Variants in SMIM14 observed in about 807,000 individuals in gnomAD.
SMIM14 encodes the protein chromosome 4 open reading frame 34.
In SMIM14, 5 loss-of-function variants were observed where a neutral mutation model predicts 12.6. The observed-to-expected ratio is 0.40, with a 90% CI of 0.21 to 0.83. The LOEUF is 0.83. Ranked by LOEUF, SMIM14 falls within the 40% of genes least tolerant of loss-of-function variation. The pLI is 0.37. For synonymous variants in SMIM14, 30 were observed against 40.1 expected, an observed-to-expected ratio of 0.75 and a Z score of 0.95; for missense variants, 86 against 119.1, an observed-to-expected ratio of 0.72 and a Z score of 1.29.
chr4:39,570,658 AT>A (rs113110089), intron 3 of SMIM14, among the ~76,000 whole-genome samples: 18,520 of 151,610 alleles, frequency 0.12, 2,590 homozygotes, highest in African/African-American at 0.34. Flanking sequence ...TTATTATTTA[AT>A]TAATAATTTT....
Position 39,556,736 on chromosome 4 carries a change from A to T in SMIM14, c.125-166T>A, listed in dbSNP as rs545209889. On this transcript the variant is annotated intron_variant, in intron 3 of 4. Coordinates refer to ENST00000295958, the MANE Select transcript of SMIM14 (RefSeq NM_174921.3). ...AATTTCCCTTTCCCCCAGTGAGAAC[A>T]TCTAAAAAGTAAATGATGTTAAATA... Among the ~76,000 whole-genome samples, 15 of 152,380 alleles carry T rather than the reference A, an allele frequency of 9.8e-5. No individual in the cohort carries two copies. In the South Asian group the frequency reaches 2.9e-3, roughly 29 times the overall value.
chr4:39,572,788 C>T (rs1712968291), intron 2 of SMIM14, among the ~76,000 whole-genome samples: 1 of 152,050 alleles, frequency 6.6e-6, no homozygotes, highest in East Asian at 1.9e-4. Flanking sequence ...CACCATTGTA[C>T]TCCAGCCAGG....
chr4:39,631,369 T>C (rs537002002), intron 1 of SMIM14, among the ~76,000 whole-genome samples: 16 of 146,742 alleles, frequency 1.1e-4, no homozygotes, highest in Non-Finnish European at 2.1e-4. Context: ...TTTTAAAAAC[T>C]ATGTTGTGGC....
intron 1 of SMIM14, among the ~76,000 whole-genome samples, chr4:39,614,200 A>G (rs1164393926): frequency 6.6e-6 from 1 of 151,910 alleles, no homozygotes; most frequent in South Asian, 2.1e-4. Context: ...AAAAAAAAAA[A>G]AAAGAAAATT....
At chr4:39,600,041 G>C (rs1714541231) in intron 2 of SMIM14, among the ~76,000 whole-genome samples, 1 of 151,906 alleles carries the variant, frequency 6.6e-6, no homozygotes, top group Non-Finnish European at 1.5e-5. Flanking sequence ...TTACACACAT[G>C]TCAAATTTAA....
intron 3 of SMIM14, 138 bp from the exon 4 acceptor site, chr4:39,556,708 T>A (rs1189001861): frequency 1.2e-6 from 1 of 806,068 alleles, no homozygotes; most frequent in East Asian, 3.0e-5. Flanking sequence ...ATATTATATC[T>A]TCAATTTCCC....
At chr4:39,573,099 ATT>A (rs1291943150) in intron 2 of SMIM14, among the ~76,000 whole-genome samples, 1 of 144,678 alleles carries the variant, frequency 6.9e-6, no homozygotes, top group Admixed American at 6.8e-5. Context: ...TATTATTATT[ATT>A]TTATTATTAT....
chr4:39,584,481 CAAA>C (rs554273493), intron 2 of SMIM14, among the ~76,000 whole-genome samples: 20 of 27,654 alleles, frequency 7.2e-4, no homozygotes, highest in East Asian at 1.1e-3. Flanking sequence ...GACACTGTCT[CAAA>C]AAAAAAAAAA....
chr4:39,629,697 C>T (rs184451185), intron 1 of SMIM14, among the ~76,000 whole-genome samples: 2 of 152,176 alleles, frequency 1.3e-5, no homozygotes, highest in East Asian at 3.9e-4. Context: ...GATCACAGCT[C>T]CCTGCAGCCT....
At chr4:39,568,495 A>G (rs1227732555) in intron 3 of SMIM14, among the ~76,000 whole-genome samples, 1 of 152,138 alleles carries the variant, frequency 6.6e-6, no homozygotes, top group African/African-American at 2.4e-5. Context: ...GAATATATAC[A>G]AAATACAACT....
At chr4:39,582,398 C>T (rs1020204199) in intron 2 of SMIM14, among the ~76,000 whole-genome samples, 22 of 151,020 alleles carry the variant, frequency 1.5e-4, no homozygotes, top group African/African-American at 5.4e-4. Flanking sequence ...GGCACGGTGG[C>T]TTATGCCTGT....
intron 2 of SMIM14, among the ~76,000 whole-genome samples, chr4:39,595,770 G>A (rs1162618296): frequency 1.3e-5 from 2 of 151,750 alleles, no homozygotes; most frequent in Non-Finnish European, 2.9e-5. Flanking sequence ...CATCACACCT[G>A]GCTAATTTTT....
At position 39,611,641 on chromosome 4, in the gene SMIM14, C is replaced by A. The variant is rs184263262; in HGVS notation, c.-35-6461G>T. Among the ~76,000 whole-genome samples the A allele has an allele frequency of 1.3e-4, 20 of 152,116 alleles. No individual in the cohort carries two copies. In the East Asian group the frequency reaches 3.5e-3, roughly 26 times the overall value. On this transcript the variant is annotated intron_variant, in intron 1 of 4. Transcript: ENST00000295958. ...GTGAGCCGAGATTGCCCAGCCTGGG[C>A]AACAGAGCAAGACTCCATCTAAAAA... is the stretch of plus-strand genomic sequence containing the variant.
intron 1 of SMIM14, among the ~76,000 whole-genome samples, chr4:39,610,918 C>G (rs1318369936): frequency 6.6e-6 from 1 of 151,688 alleles, no homozygotes; most frequent in Non-Finnish European, 1.5e-5. Flanking sequence ...GAATATAAGT[C>G]CAAGAAACCA....
intron 4 of SMIM14, among the ~76,000 whole-genome samples, chr4:39,556,039 T>C (rs551559399): frequency 6.6e-6 from 1 of 152,222 alleles, no homozygotes; most frequent in South Asian, 2.1e-4. Flanking sequence ...CCAGGTGTGC[T>C]AGTGCATGCC....
chr4:39,588,662 A>C (rs1713909379), intron 2 of SMIM14, among the ~76,000 whole-genome samples: 1 of 152,126 alleles, frequency 6.6e-6, no homozygotes, highest in Admixed American at 6.6e-5. Context: ...CATATTCCAT[A>C]GTATCTAAAA....
At chr4:39,595,135 T>C (rs11931199) in intron 2 of SMIM14, among the ~76,000 whole-genome samples, 98,598 of 134,238 alleles carry the variant, frequency 0.73, 37,254 homozygotes, top group Middle Eastern at 0.85. Flanking sequence ...TTCACAATAG[T>C]AAAGACTCGG....
intron 2 of SMIM14, among the ~76,000 whole-genome samples, chr4:39,601,808 A>G (rs1164121879): frequency 6.6e-6 from 1 of 151,994 alleles, no homozygotes; most frequent in Non-Finnish European, 1.5e-5. Flanking sequence ...TTAGTTGGGC[A>G]TGGTGGTGCA....
At chr4:39,571,508 A>G (rs1214548971) in intron 3 of SMIM14, among the ~76,000 whole-genome samples, 1 of 152,008 alleles carries the variant, frequency 6.6e-6, no homozygotes, top group African/African-American at 2.4e-5. Context: ...TGAGCCTGGG[A>G]GGTCAAGGCT....
Sources: gnomAD v4.1 joint callset for allele counts (sites outside exome capture counted in the v4.1 genomes callset) on GRCh38, gnomAD v4.1.1 for gene constraint, MANE v1.5 for transcripts, NCBI Gene and HGNC (gene_info 2026-07-23, HGNC 2026-07-21) for gene names.